The following BAHD1 variants were observed in gnomAD, a reference collection of about 807,000 sequenced individuals.
The protein encoded by BAHD1 is bromo adjacent homology domain containing 1.
A neutral mutation model predicts 63.1 loss-of-function variants in BAHD1; 20 were observed. That is an observed-to-expected ratio of 0.32 (90% CI 0.22 to 0.46). The LOEUF (loss-of-function observed/expected upper bound fraction) is 0.46. BAHD1 is among the 20% of genes least tolerant of loss of function. BAHD1 has a pLI of 1.00. For missense variants in BAHD1, 939 were observed against 1,071.8 expected, an observed-to-expected ratio of 0.88 and a Z score of 1.73; for synonymous variants, 408 against 426.8, an observed-to-expected ratio of 0.96 and a Z score of 0.54.
Position 40,464,550 on chromosome 15 carries a change from G to A in BAHD1, c.2052+3G>A, listed in dbSNP as rs1330414448. On this transcript the variant is annotated splice_donor_region_variant and intron_variant, in intron 5 of 6. Transcript: ENST00000416165. ...GCCGCAGTCCCAGCATGCACGAGGT[G>A]AGCTGCCTGGCAGATGGGTCAGGGA... The A allele has an allele frequency of 1.2e-6, 2 of 1,612,172 alleles. No individual in the cohort carries two copies. The highest frequency in any genetic ancestry group is 1.7e-5 in the Admixed American group (1 of 59,772).
Position 40,458,525 on chromosome 15 carries a change from G to A in BAHD1, c.61G>A (p.Glu21Lys). The A allele has an allele frequency of 6.2e-7, 1 of 1,612,980 alleles. No individual in the cohort carries two copies. Among genetic ancestry groups the A allele is most frequent in the Non-Finnish European group, 8.5e-7 (1 of 1,179,400 alleles). ...GAGTTCGGGCCTCACTGGCCGCCGAGAGCCCCTGCAGATGGAAGACAGCAA... is the reference window on the plus strand; with the variant it reads ...GAGTTCGGGCCTCACTGGCCGCCGAAAGCCCCTGCAGATGGAAGACAGCAA... ...MLSSGLTGRR[E>K]PLQMEDSNME... The change falls in exon 2 of 7, where the codon GAG (glutamate) becomes AAG (lysine). Residue 21 changes from glutamate to lysine, a missense_variant. This residue lies in a region of BAHD1 where 797 missense variants were observed against 813.3 expected (regional missense o/e 0.98). Transcript: ENST00000416165. The surrounding 1 kb of genome is among the most constrained non-coding windows in gnomAD (Gnocchi z 4.7).
Position 40,447,512 on chromosome 15 carries a change from C to T in BAHD1, c.-15+6244C>T, listed in dbSNP as rs563169547. Among the ~76,000 whole-genome samples the T allele has an allele frequency of 4.6e-5, 7 of 150,786 alleles. No homozygotes were observed. The South Asian group carries it at 1.3e-3, about 27-fold the overall frequency. ...AACCCAGGAGACAGAGGTTGCAGAT[C>T]GCGCCAGTGCACTCCAGTCTGGGCG... On this transcript the variant is annotated intron_variant, in intron 1 of 6. Transcript: ENST00000416165.
chr15:40,462,428 C>A, intron 3 of BAHD1, 134 bp downstream of exon 3: 2 of 1,271,022 alleles, frequency 1.6e-6, no homozygotes, highest in Non-Finnish European at 2.2e-6. Context: ...TTTACTTGTA[C>A]CCCAGGAACC....
intron 3 of BAHD1, among the ~76,000 whole-genome samples, chr15:40,463,117 CAT>C (rs1163692262): frequency 6.6e-6 from 1 of 152,030 alleles, no homozygotes; most frequent in African/African-American, 2.4e-5. Flanking sequence ...ACCTGGTCGA[CAT>C]AGCAAGATCC....
Position 40,458,122 on chromosome 15 carries a change from G to T in BAHD1, c.-14-329G>T, listed in dbSNP as rs1357175325. Among the ~76,000 whole-genome samples, 1 of 152,140 alleles carries T rather than the reference G, an allele frequency of 6.6e-6. No homozygotes were observed. The highest frequency in any genetic ancestry group is 1.5e-5 in the Non-Finnish European group (1 of 68,020). On this transcript the variant is annotated intron_variant, in intron 1 of 6. Coordinates refer to ENST00000416165, the MANE Select transcript of BAHD1 (RefSeq NM_014952.5). This position sits in a 1 kb window ranked among gnomAD's most constrained non-coding sequence, Gnocchi z 4.7. Reference sequence around the variant, plus strand: ...TGAATATCTAGTGAGAGAAGGACAGGGGGAGAGAACAAAGAGCTTTGCCAC... The same window carrying T: ...TGAATATCTAGTGAGAGAAGGACAGTGGGAGAGAACAAAGAGCTTTGCCAC...
At chr15:40,464,429 A>G (rs929517034) in intron 4 of BAHD1, 42 bp from the exon 5 acceptor site, 2 of 1,553,092 alleles carry the variant, frequency 1.3e-6, no homozygotes, top group Admixed American at 1.8e-5. Flanking sequence ...TAAGTAACTC[A>G]GGTTGCCAGT....
intron 5 of BAHD1, chr15:40,464,801 G>A: frequency 3.9e-6 from 2 of 514,120 alleles, no homozygotes; most frequent in South Asian, 2.4e-5. Flanking sequence ...TGAGGTAGCA[G>A]GTGCCAATGG....
intron 5 of BAHD1, chr15:40,464,958 A>G: frequency 2.7e-6 from 1 of 375,446 alleles, no homozygotes; most frequent in South Asian, 3.0e-5. Flanking sequence ...GCTGTGTGCT[A>G]AAAGAGGTGA....
At chr15:40,444,954 C>T (rs748362415) in intron 1 of BAHD1, among the ~76,000 whole-genome samples, 7 of 152,012 alleles carry the variant, frequency 4.6e-5, no homozygotes, top group Non-Finnish European at 1.0e-4. Context: ...GACCGCTCCC[C>T]CGTCAATTAA....
chr15:40,439,172 AG>A (rs1893336904), upstream of BAHD1, among the ~76,000 whole-genome samples: 1 of 152,070 alleles, frequency 6.6e-6, no homozygotes, highest in South Asian at 2.1e-4. Context: ...CAAGGGTGGG[AG>A]GTGGGAGAAG....
chr15:40,442,290 C>G (rs1193995198), intron 1 of BAHD1, among the ~76,000 whole-genome samples: 1 of 151,788 alleles, frequency 6.6e-6, no homozygotes, highest in South Asian at 2.1e-4. Flanking sequence ...CGGACTCTGC[C>G]CCGGGGACTG....
intron 4 of BAHD1, 67 bp downstream of exon 4, chr15:40,464,087 G>C: frequency 1.9e-6 from 3 of 1,560,132 alleles, no homozygotes; most frequent in Non-Finnish European, 2.6e-6. Context: ...TCCCCAGATT[G>C]GCCCCTGCCT....
intron 1 of BAHD1, among the ~76,000 whole-genome samples, chr15:40,455,729 A>T (rs1298593531): frequency 1.3e-5 from 2 of 152,254 alleles, no homozygotes; most frequent in Non-Finnish European, 2.9e-5. Flanking sequence ...AGCCGTTCCC[A>T]GGCCTAGCCC....
At chr15:40,463,773 A>G in intron 3 of BAHD1, 88 bp from the exon 4 acceptor site, 1 of 1,454,504 alleles carries the variant, frequency 6.9e-7, no homozygotes, top group Non-Finnish European at 9.4e-7. Flanking sequence ...ATCTTGAGGA[A>G]ATCGTGGAAA....
At chr15:40,453,644 C>T (rs1893767692) in intron 1 of BAHD1, 1 of 152,200 alleles carries the variant, frequency 6.6e-6, no homozygotes, top group African/African-American at 2.4e-5. Flanking sequence ...CCCTGAATCC[C>T]TCCCTCTCAT....
chr15:40,462,259 G>C lies in BAHD1; in HGVS notation c.1780G>C (p.Val594Leu), dbSNP rs757849385. 7 of 1,610,534 alleles carry C rather than the reference G, an allele frequency of 4.3e-6. No homozygotes were observed. The South Asian group carries it at 7.7e-5, about 18-fold the overall frequency. Residue 594 changes from valine (V) to leucine (L), a missense_variant, in exon 3 of 7, where the codon GTT (valine) becomes CTT (leucine). Coordinates refer to ENST00000416165, the MANE Select transcript of BAHD1 (RefSeq NM_014952.5). ...RRRRTNGWVP[V>L]GAACEKAVYV... ...CCGCCGCACTAATGGCTGGGTACCT[G>C]TTGGGGCTGCGTGTGAGAAGGCTGT...
At chr15:40,455,326 A>T (rs1198797877) in intron 1 of BAHD1, among the ~76,000 whole-genome samples, 1 of 152,124 alleles carries the variant, frequency 6.6e-6, no homozygotes, top group African/African-American at 2.4e-5. Flanking sequence ...TCCCTGAGGG[A>T]CTGGAAAGCT....
upstream of BAHD1, among the ~76,000 whole-genome samples, chr15:40,437,824 G>A (rs1481642851): frequency 3.9e-5 from 6 of 152,192 alleles, no homozygotes; most frequent in African/African-American, 1.4e-4. Context: ...CTGGGGCTGG[G>A]CTGGAGATGA....
chr15:40,449,591 G>C (rs796772617), intron 1 of BAHD1, among the ~76,000 whole-genome samples: 1 of 152,046 alleles, frequency 6.6e-6, no homozygotes, highest in African/African-American at 2.4e-5. Context: ...CTTGAGGCTA[G>C]GACTTTGAGA....
Sources: allele counts gnomAD v4.1 joint callset (sites outside exome capture counted in the v4.1 genomes callset), GRCh38; gene constraint gnomAD v4.1.1; regional missense constraint gnomAD v4.1.1; non-coding constraint Gnocchi (gnomAD v3.1); transcripts MANE v1.5; gene names NCBI Gene and HGNC (gene_info 2026-07-23, HGNC 2026-07-21).